The following BACH2 variants were observed in gnomAD, a reference collection of about 807,000 sequenced individuals.
BACH2 encodes BACH transcriptional regulator 2, also known as transcription regulator protein BACH2.
BACH2 carries 5 observed loss-of-function variants against 61.8 expected under a neutral mutation model. That is an observed-to-expected ratio of 0.08 (90% confidence interval 0.04 to 0.17). The LOEUF is 0.17. Ranked by LOEUF, BACH2 falls within the 10% of genes least tolerant of loss-of-function variation. The probability of loss-of-function intolerance (pLI) is 1.00; values close to 1 mark genes in which losing one functional copy is unlikely to be tolerated. For synonymous variants in BACH2, 446 were observed against 440.1 expected, an observed-to-expected ratio of 1.01 and a Z score of -0.17; for missense variants, 824 against 1,091.1, an observed-to-expected ratio of 0.76 and a Z score of 3.45.
chr6:89,995,763 A>G (rs1003448902), intron 6 of BACH2, among the ~76,000 whole-genome samples: 3 of 152,202 alleles, frequency 2.0e-5, no homozygotes, highest in African/African-American at 7.2e-5. Context: ...TTAGAAATTT[A>G]GCATCCCCTT....
intron 5 of BACH2, among the ~76,000 whole-genome samples, chr6:90,082,848 T>C (rs1301736295): frequency 1.3e-5 from 2 of 152,140 alleles, no homozygotes; most frequent in Non-Finnish European, 2.9e-5. Flanking sequence ...TGTCAAGAAA[T>C]CAAGGACCCA....
In BACH2 at chr6:89,973,569, T is replaced by C. The variant is rs139925393; in HGVS notation, c.244-21707A>G. Among the ~76,000 whole-genome samples, 413 of 152,172 alleles carry C rather than the reference T, an allele frequency of 2.7e-3. 1 individual carries two copies. The highest frequency in any genetic ancestry group is 4.0e-3 in the Non-Finnish European group (272 of 67,990). ...GGACCCTTGTAATCATTCAGGACAC[T>C]CCCCCACCTCAAGACCCTTAACTTA... On this transcript the variant is annotated intron_variant, in intron 6 of 8. Transcript: ENST00000257749.
At chr6:90,123,232 G>C (rs1483134728) in intron 4 of BACH2, among the ~76,000 whole-genome samples, 1 of 152,136 alleles carries the variant, frequency 6.6e-6, no homozygotes, top group East Asian at 1.9e-4. Flanking sequence ...CAGAAGTGGA[G>C]GCAGAGATTG....
intron 4 of BACH2, among the ~76,000 whole-genome samples, chr6:90,166,107 T>C (rs971696158): frequency 6.6e-6 from 1 of 151,968 alleles, no homozygotes; most frequent in African/African-American, 2.4e-5. Flanking sequence ...GAAACTACCA[T>C]CAGAGTGAAC....
intron 4 of BACH2, among the ~76,000 whole-genome samples, chr6:90,178,488 G>A (rs967660451): frequency 6.6e-6 from 1 of 152,078 alleles, no homozygotes; most frequent in Non-Finnish European, 1.5e-5. Flanking sequence ...GTGCGTAAAC[G>A]CTAACTGTAC....
intron 4 of BACH2, among the ~76,000 whole-genome samples, chr6:90,133,173 A>G (rs1784135799): frequency 6.6e-6 from 1 of 152,204 alleles, no homozygotes; most frequent in South Asian, 2.1e-4. Flanking sequence ...TGCCCACCTC[A>G]TCCTTTGTCC....
chr6:90,042,228 T>C (rs1238051236), intron 5 of BACH2, among the ~76,000 whole-genome samples: 1 of 152,206 alleles, frequency 6.6e-6, no homozygotes, highest in Admixed American at 6.5e-5. Flanking sequence ...GGTCTTGCTC[T>C]GTCACCCAGG....
At chr6:90,076,801 T>C (rs1173095270) in intron 5 of BACH2, among the ~76,000 whole-genome samples, 1 of 152,144 alleles carries the variant, frequency 6.6e-6, no homozygotes, top group Non-Finnish European at 1.5e-5. Context: ...CGTGCCCTTC[T>C]CTGGTGTGCA....
intron 2 of BACH2, among the ~76,000 whole-genome samples, chr6:90,269,344 C>T (rs1330523791): frequency 6.6e-6 from 1 of 152,120 alleles, no homozygotes; most frequent in Non-Finnish European, 1.5e-5. Context: ...CCCAGAAAAA[C>T]TGGTGGGAAG....
At chr6:90,126,947 G>T (rs1582396165) in intron 4 of BACH2, among the ~76,000 whole-genome samples, 1 of 152,334 alleles carries the variant, frequency 6.6e-6, no homozygotes, top group Non-Finnish European at 1.5e-5. Flanking sequence ...AACTTAACTT[G>T]ACAGGGAGGA....
rs999960772 is a variant in BACH2, at chr6:90,058,709, G to C, written c.-13+30252C>G. 2.4e-3 allele frequency among the ~76,000 whole-genome samples: 358 copies of C among 152,024 alleles called. 3 individuals carry two copies. Among genetic ancestry groups the C allele is most frequent in the South Asian group, 9.8e-3 (47 of 4,816 alleles). On this transcript the variant is annotated intron_variant, in intron 5 of 8. Transcript: ENST00000257749. ...GAACAAAGCTGGAGGCATCACACTA[G>C]CTGACTTCAAACTATACTACAAGGC...
At chr6:89,937,374 T>C (rs1773087716) in intron 8 of BACH2, among the ~76,000 whole-genome samples, 1 of 152,164 alleles carries the variant, frequency 6.6e-6, no homozygotes, top group East Asian at 1.9e-4. Context: ...TACCAAGTAC[T>C]GGGAAGTTTT....
chr6:89,951,891 A>G lies in BACH2; in HGVS notation c.244-29T>C, dbSNP rs376555932. 49 of 1,597,060 alleles carry G rather than the reference A, an allele frequency of 3.1e-5. No homozygotes were observed. Among genetic ancestry groups the G allele is most frequent in the Non-Finnish European group, 3.8e-5 (45 of 1,169,342 alleles). On this transcript the variant is annotated intron_variant, in intron 6 of 8. Transcript: ENST00000257749. This position sits in a 1 kb window ranked among gnomAD's most constrained non-coding sequence, Gnocchi z 6.4. Reference sequence around the variant, plus strand: ...CAAAACAAACAGGGAAATCGCCAACATTACCATCAGCACTGCTATTGTCCC... The same window carrying G: ...CAAAACAAACAGGGAAATCGCCAACGTTACCATCAGCACTGCTATTGTCCC...
chr6:90,239,994 A>C (rs1397899146), intron 3 of BACH2, among the ~76,000 whole-genome samples: 1 of 152,210 alleles, frequency 6.6e-6, no homozygotes, highest in Non-Finnish European at 1.5e-5. Flanking sequence ...AAAGATCTAA[A>C]AATTCATCTT....
intron 4 of BACH2, among the ~76,000 whole-genome samples, chr6:90,125,469 G>A (rs1783808847): frequency 6.6e-6 from 1 of 152,186 alleles, no homozygotes; most frequent in African/African-American, 2.4e-5. Flanking sequence ...GGAATGGGGT[G>A]AGCTAACCAC....
At chr6:89,960,490 T>C (rs1198005887) in intron 6 of BACH2, among the ~76,000 whole-genome samples, 1 of 152,234 alleles carries the variant, frequency 6.6e-6, no homozygotes, top group Non-Finnish European at 1.5e-5. Flanking sequence ...TAAAATATTG[T>C]TTTATATAGC....
At chr6:90,088,268 C>A (rs559433303) in intron 5 of BACH2, among the ~76,000 whole-genome samples, 1 of 152,310 alleles carries the variant, frequency 6.6e-6, no homozygotes, top group Admixed American at 6.5e-5. Context: ...AAAAGATTTT[C>A]TCTTTTGAGT....
intron 5 of BACH2, among the ~76,000 whole-genome samples, chr6:90,038,575 T>TA (rs1258587401): frequency 6.6e-6 from 1 of 152,136 alleles, no homozygotes; most frequent in Non-Finnish European, 1.5e-5. Flanking sequence ...AATAAAATGG[T>TA]AAATACTGAA....
chr6:90,022,621 GGA>G (rs952317851), intron 5 of BACH2, among the ~76,000 whole-genome samples: 3 of 152,190 alleles, frequency 2.0e-5, no homozygotes, highest in Admixed American at 1.3e-4. Context: ...TAACCAAAAT[GGA>G]GAGTCACAGT....
Sources: gnomAD v4.1 joint callset for allele counts (sites outside exome capture counted in the v4.1 genomes callset) on GRCh38, gnomAD v4.1.1 for gene constraint, Gnocchi (gnomAD v3.1) non-coding constraint, MANE v1.5 for transcripts, NCBI Gene and HGNC (gene_info 2026-07-23, HGNC 2026-07-21) for gene names.